Variants in PRIM2 observed in about 807,000 individuals in gnomAD.
The protein encoded by PRIM2 is DNA primase subunit 2, also known as DNA primase large subunit.
Under a neutral mutation model 67.3 loss-of-function variants are expected in PRIM2, and 39 were observed. The ratio of observed to expected loss-of-function variants is 0.58; its 90% confidence interval spans 0.45 to 0.76. PRIM2 has a LOEUF of 0.76. Among genes scored for constraint, PRIM2 ranks in the 30% least tolerant of loss-of-function variants. The pLI, the probability that PRIM2 is intolerant of heterozygous loss-of-function variation, is 0.00. For missense variants in PRIM2, 398 were observed against 598.7 expected, an observed-to-expected ratio of 0.66 and a Z score of 3.50; for synonymous variants, 143 against 198.7, an observed-to-expected ratio of 0.72 and a Z score of 2.36.
chr6:57,397,828 G>T (rs1314161463), intron 7 of PRIM2, among the ~76,000 whole-genome samples: 4 of 150,280 alleles, frequency 2.7e-5, no homozygotes, highest in Non-Finnish European at 5.9e-5. Context: ...TTGCTTAGAG[G>T]CTGATTTGTT....
At chr6:57,430,121 G>C (rs1302934092) in intron 7 of PRIM2, among the ~76,000 whole-genome samples, 22 of 152,130 alleles carry the variant, frequency 1.4e-4, no homozygotes, top group African/African-American at 5.3e-4. Flanking sequence ...TGAATTGTTA[G>C]TTCAGTCACA....
intron 7 of PRIM2, among the ~76,000 whole-genome samples, chr6:57,452,046 C>G (rs1213360937): frequency 6.6e-6 from 1 of 151,298 alleles, no homozygotes; most frequent in Non-Finnish European, 1.5e-5. Context: ...GGGTTTTTGT[C>G]CTTGCAATAG....
Position 57,408,109 on chromosome 6 carries a change from G to A in PRIM2, c.693+25941G>A, listed in dbSNP as rs1291285561. ...TTTTCCCCACTTTGGATACGTGTTG[G>A]TGAGCATAAATGTGCCAATCATTGT... On this transcript the variant is annotated intron_variant, in intron 7 of 13. Transcript: ENST00000615550. Among the ~76,000 whole-genome samples, 3 of 152,232 alleles carry A rather than the reference G, an allele frequency of 2.0e-5. No homozygotes were observed. The East Asian group carries it at 5.8e-4, about 29-fold the overall frequency.
the PRIM2 span, among the ~76,000 whole-genome samples, chr6:57,255,497 CAAA>C: frequency 2.9e-4 from 38 of 130,154 alleles, no homozygotes; most frequent in Admixed American, 5.5e-4. Flanking sequence ...GACTCTATCT[CAAA>C]AAAAAAAAAA....
intron 7 of PRIM2, among the ~76,000 whole-genome samples, chr6:57,467,211 T>C (rs1267808416): frequency 2.0e-5 from 3 of 151,802 alleles, no homozygotes; most frequent in African/African-American, 7.3e-5. Context: ...CATGCCTATG[T>C]CCTGAATGGT....
At chr6:57,365,828 G>A (rs1001586222) in intron 5 of PRIM2, among the ~76,000 whole-genome samples, 7 of 152,008 alleles carry the variant, frequency 4.6e-5, no homozygotes, top group Non-Finnish European at 8.8e-5. Flanking sequence ...GCATGGTGGC[G>A]CGTTAGCACG....
intron 10 of PRIM2, among the ~76,000 whole-genome samples, chr6:57,557,538 A>T (rs1265550355): frequency 6.6e-6 from 1 of 152,178 alleles, no homozygotes; most frequent in Admixed American, 6.5e-5. Flanking sequence ...AATGCTGCAC[A>T]TTCTCATTTA....
intron 5 of PRIM2, among the ~76,000 whole-genome samples, chr6:57,363,769 C>T (rs890305096): frequency 6.6e-6 from 1 of 152,114 alleles, no homozygotes; most frequent in Admixed American, 6.6e-5. Context: ...TGAGTTTCAC[C>T]AGCGTTCTTG....
chr6:57,223,719 A>G, the PRIM2 span, among the ~76,000 whole-genome samples: 4 of 152,156 alleles, frequency 2.6e-5, no homozygotes, highest in Admixed American at 2.0e-4. Context: ...ATGAAAAGAG[A>G]CTCAAGGTCA....
intron 10 of PRIM2, among the ~76,000 whole-genome samples, chr6:57,566,340 C>T (rs1195895896): frequency 1.3e-5 from 2 of 152,046 alleles, no homozygotes; most frequent in African/African-American, 4.8e-5. Flanking sequence ...TTGTTAAGTT[C>T]TTCAACAAGT....
At chr6:57,521,660 G>T (rs1774627082) in intron 8 of PRIM2, among the ~76,000 whole-genome samples, 1 of 152,084 alleles carries the variant, frequency 6.6e-6, no homozygotes, top group Non-Finnish European at 1.5e-5. Flanking sequence ...GATTACTTGT[G>T]ATGCTTTCTT....
intron 10 of PRIM2, among the ~76,000 whole-genome samples, chr6:57,562,990 G>A: frequency 1.3e-5 from 2 of 152,248 alleles, no homozygotes; most frequent in South Asian, 4.1e-4. Context: ...GAGAGTACGA[G>A]GGCCACTGTT....
intron 7 of PRIM2, among the ~76,000 whole-genome samples, chr6:57,461,651 A>G (rs1174859321): frequency 6.6e-6 from 1 of 152,088 alleles, no homozygotes; most frequent in Non-Finnish European, 1.5e-5. Flanking sequence ...GTAATAGGAA[A>G]TCCATGTTTC....
At chr6:57,527,932 C>CT (rs1774795193) in intron 8 of PRIM2, among the ~76,000 whole-genome samples, 1 of 152,106 alleles carries the variant, frequency 6.6e-6, no homozygotes, top group Non-Finnish European at 1.5e-5. Flanking sequence ...TGGTGGCCTT[C>CT]TTTCTATTAC....
chr6:57,260,501 T>A, the PRIM2 span, among the ~76,000 whole-genome samples: 1 of 152,232 alleles, frequency 6.6e-6, no homozygotes, highest in East Asian at 1.9e-4. Flanking sequence ...ATATCAGCAA[T>A]TTATTTCATT....
chr6:57,529,751 TAGG>T (rs1297376761), intron 8 of PRIM2, among the ~76,000 whole-genome samples: 3 of 152,172 alleles, frequency 2.0e-5, no homozygotes, highest in Non-Finnish European at 2.9e-5. Flanking sequence ...GACAGATTAA[TAGG>T]AGAAAAACAA....
chr6:57,626,770 A>G (rs1341154561), intron 12 of PRIM2, among the ~76,000 whole-genome samples: 2 of 151,910 alleles, frequency 1.3e-5, no homozygotes, highest in Non-Finnish European at 2.9e-5. Context: ...GACTACAGGC[A>G]TGTGCCACCA....
chr6:57,612,703 T>C (rs1776688273), intron 12 of PRIM2, among the ~76,000 whole-genome samples: 1 of 152,152 alleles, frequency 6.6e-6, no homozygotes, highest in Non-Finnish European at 1.5e-5. Flanking sequence ...CTTTTACTTT[T>C]TTAGAAAAAA....
At chr6:57,372,867 G>C (rs1327015093) in intron 5 of PRIM2, among the ~76,000 whole-genome samples, 2 of 152,152 alleles carry the variant, frequency 1.3e-5, no homozygotes, top group African/African-American at 2.4e-5. Flanking sequence ...ATCGGCATTT[G>C]GGTTGATTCC....
Sources: gnomAD v4.1 joint callset for allele counts (sites outside exome capture counted in the v4.1 genomes callset) on GRCh38, gnomAD v4.1.1 for gene constraint, MANE v1.5 for transcripts, NCBI Gene and HGNC (gene_info 2026-07-23, HGNC 2026-07-21) for gene names.